DNAH12: variants seen among roughly 807,000 people sequenced by gnomAD.
The protein encoded by DNAH12 is axonemal beta dynein heavy chain 12.
Under a neutral mutation model 371.5 loss-of-function variants are expected in DNAH12, and 285 were observed. That is an observed-to-expected ratio of 0.77 (90% CI 0.70 to 0.85). The LOEUF is 0.85. Among genes scored for constraint, DNAH12 ranks in the 40% least tolerant of loss-of-function variants. DNAH12 has a pLI of 0.00. For synonymous variants in DNAH12, 1,200 were observed against 1,213.0 expected, an observed-to-expected ratio of 0.99 and a Z score of 0.22; for missense variants, 3,611 against 3,689.4, an observed-to-expected ratio of 0.98 and a Z score of 0.55.
intron 62 of DNAH12, among the ~76,000 whole-genome samples, chr3:57,324,880 T>G (rs1048202351): frequency 3.3e-5 from 5 of 152,290 alleles, no homozygotes; most frequent in Admixed American, 3.3e-4. Context: ...TACTGCGCTT[T>G]TCCGATGGGC....
chr3:57,448,472 C>T (rs1354839012), intron 25 of DNAH12, among the ~76,000 whole-genome samples: 2 of 152,130 alleles, frequency 1.3e-5, no homozygotes, highest in East Asian at 1.9e-4. Context: ...CAGGGGGGCT[C>T]GTGGTCTCGC....
intron 60 of DNAH12, among the ~76,000 whole-genome samples, chr3:57,339,941 T>A (rs1553655525): frequency 1.3e-5 from 2 of 152,010 alleles, no homozygotes; most frequent in Non-Finnish European, 2.9e-5. Flanking sequence ...TGTGGTGGCA[T>A]ATGCCTGCAG....
rs759687178 is a variant in DNAH12, at chr3:57,428,701, C to T, written c.5185G>A (p.Ala1729Thr). Residue 1729 changes from alanine to threonine, a missense_variant, in exon 34 of 74, where the codon GCT becomes ACT. This residue lies in a region of DNAH12 where 2,266 missense variants were observed against 2,236.9 expected (regional missense o/e 1.01). Transcript: ENST00000495027. ...CAGGCAAAAAGTCCTCTCAGAAGAG[C>T]TTGATATTCTGGTTCACACAGAGGT... is the stretch of plus-strand genomic sequence containing the variant. ...KGPLCEPEYQ[A>T]LLRGLFAWLI... 2.8e-5 allele frequency: 44 copies of T among 1,551,264 alleles called. No individual in the cohort carries two copies. In the African/African-American group the frequency reaches 5.2e-4, roughly 18 times the overall value.
chr3:57,501,299 TA>T, intron 11 of DNAH12, 21 bp downstream of exon 11: 1 of 1,579,774 alleles, frequency 6.3e-7, no homozygotes, highest in Middle Eastern at 1.7e-4. Flanking sequence ...AACGCATTAA[TA>T]AAAACAGAAT....
rs576803211 is a variant in DNAH12, at chr3:57,299,153, A to G, written c.11395-2169T>C. 8.5e-5 allele frequency among the ~76,000 whole-genome samples: 13 copies of G among 152,294 alleles called. No homozygotes were observed. In the East Asian group the frequency reaches 2.5e-3, roughly 29 times the overall value. ...AAACCAGGGAGAGCGAGCACCAAGC[A>G]CAAGAAAGCTGTAAAGACCCACAAG... On this transcript the variant is annotated intron_variant, in intron 70 of 73. Transcript: ENST00000495027.
At chr3:57,318,184 TTC>T (rs1440741800) in intron 65 of DNAH12, among the ~76,000 whole-genome samples, 4 of 152,184 alleles carry the variant, frequency 2.6e-5, no homozygotes, top group Non-Finnish European at 4.4e-5. Flanking sequence ...TGATCCCACT[TTC>T]TTTTTGTTGC....
At chr3:57,410,938 C>T (rs2064182883) in intron 39 of DNAH12, among the ~76,000 whole-genome samples, 1 of 151,984 alleles carries the variant, frequency 6.6e-6, no homozygotes, top group South Asian at 2.1e-4. Flanking sequence ...TAAGAATCTC[C>T]AAGCTTTCCC....
intron 70 of DNAH12, among the ~76,000 whole-genome samples, chr3:57,298,550 A>AT (rs751184509): frequency 2.0e-5 from 3 of 152,316 alleles, no homozygotes; most frequent in Non-Finnish European, 4.4e-5. Context: ...AACAAACTTC[A>AT]TTTTTGCTTA....
chr3:57,309,616 G>C, intron 68 of DNAH12, 50 bp downstream of exon 68: 4 of 1,372,836 alleles, frequency 2.9e-6, no homozygotes, highest in Middle Eastern at 2.7e-4. Flanking sequence ...TGTCATTTCA[G>C]TATCATTTTT....
chr3:57,386,387 A>T (rs2063500076), intron 47 of DNAH12, 54 bp downstream of exon 47: 2 of 150,224 alleles, frequency 1.3e-5, no homozygotes, highest in South Asian at 4.1e-4. Flanking sequence ...TTGTATTATT[A>T]TTTCTTATAC....
intron 69 of DNAH12, among the ~76,000 whole-genome samples, chr3:57,302,807 C>G (rs917315788): frequency 2.7e-5 from 4 of 148,808 alleles, no homozygotes; most frequent in African/African-American, 9.8e-5. Flanking sequence ...AACTCCTGAC[C>G]TCAGGTGATT....
chr3:57,369,219 T>TA (rs1169309910), intron 55 of DNAH12, among the ~76,000 whole-genome samples: 4,161 of 125,938 alleles, frequency 0.033, 203 homozygotes, highest in African/African-American at 0.11. Context: ...GAAACTCCAT[T>TA]AAAAAAAAAA....
the DNAH12 span, among the ~76,000 whole-genome samples, chr3:57,554,139 TAGCC>T: frequency 7.4e-4 from 104 of 140,244 alleles, 6 homozygotes; most frequent in Non-Finnish European, 1.1e-3. Context: ...ATACAAAAAT[TAGCC>T]AGACATGGCA....
At position 57,324,414 on chromosome 3, in the gene DNAH12, T is replaced by C. The variant is rs144494086; in HGVS notation, c.9979-795A>G. Among the ~76,000 whole-genome samples, 439 of 152,324 alleles carry C rather than the reference T, an allele frequency of 2.9e-3. 1 individual carries two copies. Among genetic ancestry groups the C allele is most frequent in the African/African-American group, 0.01 (419 of 41,586 alleles). ...CAGCCAAAGATGGCCTGGGAGGCCA[T>C]GATATCTTGATATTTGGTCAAATAG... On this transcript the variant is annotated intron_variant, in intron 62 of 73. Transcript: ENST00000495027.
At chr3:57,527,907 T>C (rs900459521) in intron 2 of DNAH12, among the ~76,000 whole-genome samples, 1 of 152,248 alleles carries the variant, frequency 6.6e-6, no homozygotes, top group African/African-American at 2.4e-5. Flanking sequence ...CTATTTTTGC[T>C]TTGGCTGCCT....
At chr3:57,388,885 C>G (rs1295086386) in intron 45 of DNAH12, among the ~76,000 whole-genome samples, 1 of 136,730 alleles carries the variant, frequency 7.3e-6, no homozygotes, top group African/African-American at 2.8e-5. Flanking sequence ...TGGGGAACGT[C>G]ACACACCAGG....
chr3:57,485,922 C>T (rs1017309464), intron 12 of DNAH12, among the ~76,000 whole-genome samples: 8 of 151,814 alleles, frequency 5.3e-5, no homozygotes, highest in African/African-American at 1.5e-4. Context: ...CAGAAATCAC[C>T]GCTAAATAAC....
chr3:57,499,673 T>TATATACAA (rs771112538), intron 11 of DNAH12, among the ~76,000 whole-genome samples: 1 of 44,454 alleles, frequency 2.2e-5, no homozygotes, highest in Non-Finnish European at 4.2e-5. Context: ...TATATATATA[T>TATATACAA]ATACTTCTTA....
rs370335542 is a variant in DNAH12 at position 57,293,735 on chromosome 3, G to GTT, written c.*44_*45dup. The GTT allele has an allele frequency of 5.6e-4, 621 of 1,113,210 alleles. No individual in the cohort carries two copies. The highest frequency in any genetic ancestry group is 7.1e-4 in the Admixed American group (26 of 36,548). 69.0% of individuals were successfully genotyped at this position (1,113,210 alleles called of 1,614,324 possible). On this transcript the variant is annotated 3_prime_UTR_variant, in exon 74 of 74. Transcript: ENST00000495027. ...AATGTATATATTTTAAGTAGGACAG[G>GTT]TTTTTTTTTTTTTAAACTTTTGGAT...
Sources: allele counts gnomAD v4.1 joint callset (sites outside exome capture counted in the v4.1 genomes callset), GRCh38; gene constraint gnomAD v4.1.1; regional missense constraint gnomAD v4.1.1; transcripts MANE v1.5; gene names NCBI Gene and HGNC (gene_info 2026-07-23, HGNC 2026-07-21).